ARMC9: variants seen among roughly 807,000 people sequenced by gnomAD.
ARMC9 encodes lisH domain-containing protein ARMC9.
ARMC9 carries 94 observed loss-of-function variants against 107.0 expected under a neutral mutation model. That is an observed-to-expected ratio of 0.88 (90% CI 0.74 to 1.04). ARMC9 has a LOEUF of 1.04. Among genes scored for constraint, ARMC9 ranks in the 50% least tolerant of loss-of-function variants. The probability of loss-of-function intolerance (pLI) is 0.00; values close to 1 mark genes in which losing one functional copy is unlikely to be tolerated. For synonymous variants in ARMC9, 380 were observed against 396.9 expected (o/e 0.96, Z 0.51); for missense variants, 942 against 1,030.1 (o/e 0.91, Z 1.17).
chr2:231,208,243 G>T lies in ARMC9; in HGVS notation c.168G>T (p.Leu56Phe). 2 of 1,606,484 alleles carry T rather than the reference G, an allele frequency of 1.2e-6. No homozygotes were observed. Among genetic ancestry groups the T allele is most frequent in the South Asian group, 2.2e-5 (2 of 89,518 alleles). Residue 56 changes from leucine (L) to phenylalanine (F), a missense_variant, in exon 3 of 25, where the codon TTG (leucine) becomes TTT (phenylalanine). Leu to Phe is a conservative substitution (Grantham distance 22). Transcript: ENST00000611582. ...VGGSFRDSKS[L>F]TIQKDLVAAF... ...GATCTTTCAGAGACTCCAAATCATT[G>T]ACAATTCAGGTAACATTTTGCTTAT... is the stretch of plus-strand genomic sequence containing the variant.
intron 19 of ARMC9, among the ~76,000 whole-genome samples, chr2:231,305,730 G>A (rs1471221569): frequency 1.3e-5 from 2 of 152,162 alleles, no homozygotes; most frequent in Non-Finnish European, 2.9e-5. Flanking sequence ...ATTTTGGGTG[G>A]TGGGGGGAGA....
At chr2:231,345,320 A>G in intron 21 of ARMC9, 1 of 660,428 alleles carries the variant, frequency 1.5e-6, no homozygotes, top group Non-Finnish European at 2.3e-6. Flanking sequence ...CTCCAGGGCC[A>G]CTTCAGAAGA....
At chr2:231,334,990 T>C (rs1488518982) in intron 20 of ARMC9, among the ~76,000 whole-genome samples, 1 of 152,178 alleles carries the variant, frequency 6.6e-6, no homozygotes, top group African/African-American at 2.4e-5. Flanking sequence ...ACTGGGTACA[T>C]TGCAGATTTT....
Position 231,226,797 on chromosome 2 carries a change from A to AG in ARMC9, c.622+1dup, listed in dbSNP as rs747153858. On this transcript the variant is annotated frameshift_variant and splice_region_variant, in exon 7 of 25. Transcript: ENST00000611582. LOFTEE classifies it high-confidence loss of function. ...AGAAGGAGAATGGACAAAGTAACAAAGGTAAATCATCTAGATTTAAATTTG... is the reference window on the plus strand; with the variant it reads ...AGAAGGAGAATGGACAAAGTAACAAAGGGTAAATCATCTAGATTTAAATTTG... 7 of 1,613,526 alleles carry AG rather than the reference A, an allele frequency of 4.3e-6. No individual in the cohort carries two copies. The highest frequency in any genetic ancestry group is 5.9e-6 in the Non-Finnish European group (7 of 1,179,550).
intron 19 of ARMC9, among the ~76,000 whole-genome samples, chr2:231,298,282 C>T (rs112914714): frequency 9.8e-5 from 15 of 152,348 alleles, no homozygotes; most frequent in Admixed American, 4.6e-4. Context: ...AGCCTCACTG[C>T]GCATCACCGG....
chr2:231,356,061 C>G, intron 22 of ARMC9, 127 bp downstream of exon 22: 1 of 1,255,546 alleles, frequency 8.0e-7, no homozygotes, highest in East Asian at 2.7e-5. Context: ...GCAACAGCCC[C>G]GTGTCACAGA....
At position 231,353,583 on chromosome 2, in the gene ARMC9, G is replaced by A. The variant is rs924584328; in HGVS notation, c.1995-2215G>A. On this transcript the variant is annotated intron_variant, in intron 21 of 24. Coordinates refer to ENST00000611582, the MANE Select transcript of ARMC9 (RefSeq NM_001352754.2). ...CTGCAGCAAAGTCCCCTGCTTCAGG[G>A]CATGGCATGAGTGCCCGCAAACAGC... Among the ~76,000 whole-genome samples the A allele has an allele frequency of 6.3e-4, 95 of 150,666 alleles. 4 individuals are homozygous for A. The highest frequency in any genetic ancestry group is 1.1e-3 in the Non-Finnish European group (78 of 67,988).
intron 1 of ARMC9, among the ~76,000 whole-genome samples, chr2:231,204,049 C>CT (rs2031558036): frequency 6.6e-6 from 1 of 151,990 alleles, no homozygotes; most frequent in Non-Finnish European, 1.5e-5. Context: ...GTGGCACACT[C>CT]TGTAGGCCCA....
chr2:231,272,187 GT>G (rs56201225), intron 13 of ARMC9, among the ~76,000 whole-genome samples: 9,518 of 99,744 alleles, frequency 0.095, 222 homozygotes, highest in Middle Eastern at 0.2. Context: ...TGTGTGTTTG[GT>G]TTTTTTTTTT....
chr2:231,361,474 G>A (rs73098113), intron 23 of ARMC9, among the ~76,000 whole-genome samples: 13,684 of 135,786 alleles, frequency 0.1, 2,224 homozygotes, highest in African/African-American at 0.35. Flanking sequence ...AAAAAAAAAA[G>A]AAAAGAAAAA....
At chr2:231,243,246 CAAAAAAAA>C (rs993079189) in intron 9 of ARMC9, among the ~76,000 whole-genome samples, 1 of 109,106 alleles carries the variant, frequency 9.2e-6, no homozygotes, top group Admixed American at 1.0e-4. Flanking sequence ...GACTCCGTCT[CAAAAAAAA>C]AAAAAAAAAT....
intron 10 of ARMC9, among the ~76,000 whole-genome samples, chr2:231,257,382 G>A (rs2037929948): frequency 1.3e-5 from 2 of 152,212 alleles, no homozygotes; most frequent in African/African-American, 2.4e-5. Context: ...CAAGGAAGTT[G>A]AGAACCTTTG....
At chr2:231,227,975 G>A (rs560712695) in intron 7 of ARMC9, among the ~76,000 whole-genome samples, 82 of 152,292 alleles carry the variant, frequency 5.4e-4, no homozygotes, top group Non-Finnish European at 9.9e-4. Flanking sequence ...TCCAAGGGTC[G>A]CAGGAGCACC....
At position 231,375,318 on chromosome 2, in the gene ARMC9, G is replaced by A. The variant is rs1289214646; in HGVS notation, c.*3783G>A. 6.6e-6 allele frequency among the ~76,000 whole-genome samples: 1 copy of A among 152,178 alleles called. No homozygotes were observed. Among genetic ancestry groups the A allele is most frequent in the Non-Finnish European group, 1.5e-5 (1 of 68,038 alleles). On this transcript the variant is annotated 3_prime_UTR_variant, in exon 25 of 25. Transcript: ENST00000611582. This position sits in a 1 kb window ranked among gnomAD's most constrained non-coding sequence, Gnocchi z 4.3. ...CTCCCATGGCAGTTAGAGAAATCAA[G>A]CCCAAGTCTCATATCACGTTCACTA... is the stretch of plus-strand genomic sequence containing the variant.
At chr2:231,209,852 T>TA (rs1341253720) in intron 3 of ARMC9, among the ~76,000 whole-genome samples, 4 of 152,104 alleles carry the variant, frequency 2.6e-5, no homozygotes, top group Non-Finnish European at 4.4e-5. Context: ...TTTTTATAAT[T>TA]AAAAAAAATT....
chr2:231,347,159 T>A (rs947539295), intron 21 of ARMC9, among the ~76,000 whole-genome samples: 2 of 152,166 alleles, frequency 1.3e-5, no homozygotes, highest in African/African-American at 4.8e-5. Context: ...CCCTCTGATA[T>A]GTGGGGGTGG....
chr2:231,261,548 A>T (rs1346567723), intron 11 of ARMC9, among the ~76,000 whole-genome samples: 5 of 152,126 alleles, frequency 3.3e-5, no homozygotes, highest in Non-Finnish European at 7.4e-5. Flanking sequence ...GGCCCCTCCC[A>T]CTGAGCCCAC....
intron 19 of ARMC9, among the ~76,000 whole-genome samples, chr2:231,310,157 G>A (rs2042255808): frequency 6.6e-6 from 1 of 152,232 alleles, no homozygotes; most frequent in African/African-American, 2.4e-5. Context: ...GCTCACGCCT[G>A]TAATCCCAGC....
At chr2:231,245,773 A>G (rs1574773360) in intron 9 of ARMC9, among the ~76,000 whole-genome samples, 1 of 152,232 alleles carries the variant, frequency 6.6e-6, no homozygotes, top group East Asian at 1.9e-4. Context: ...TGTAGTATGC[A>G]TTTTCCCTGC....
Sources: gnomAD v4.1 joint callset for allele counts (sites outside exome capture counted in the v4.1 genomes callset) on GRCh38, gnomAD v4.1.1 for gene constraint, Gnocchi (gnomAD v3.1) non-coding constraint, MANE v1.5 for transcripts, NCBI Gene and HGNC (gene_info 2026-07-23, HGNC 2026-07-21) for gene names.